The following TARBP1 variants were observed in gnomAD, a reference collection of about 807,000 sequenced individuals.
The protein encoded by TARBP1 is tRNA guanosine 2 -O-methyltransferase TARBP1, also known as tRNA (guanosine(18)-2'-O)-methyltransferase TARBP1.
TARBP1 carries 144 observed loss-of-function variants against 178.6 expected under a neutral mutation model. That is an observed-to-expected ratio of 0.81 (90% CI 0.70 to 0.93). The LOEUF (loss-of-function observed/expected upper bound fraction) is 0.93, where lower values mean the gene tolerates loss of function less well. Among genes scored for constraint, TARBP1 ranks in the 40% least tolerant of loss-of-function variants. TARBP1 has a pLI of 0.00. For synonymous variants in TARBP1, 787 were observed against 781.0 expected, an observed-to-expected ratio of 1.01 and a Z score of -0.13; for missense variants, 2,067 against 2,011.7, an observed-to-expected ratio of 1.03 and a Z score of -0.53.
chr1:234,424,185 T>C (rs934407034), intron 20 of TARBP1, among the ~76,000 whole-genome samples: 2 of 152,300 alleles, frequency 1.3e-5, no homozygotes, highest in South Asian at 2.1e-4. Context: ...TAGTCATTCA[T>C]ACATCCACAC....
At chr1:234,418,999 C>T (rs936170166) in intron 21 of TARBP1, among the ~76,000 whole-genome samples, 1 of 151,850 alleles carries the variant, frequency 6.6e-6, no homozygotes, top group African/African-American at 2.4e-5. Flanking sequence ...GGTGAAACCC[C>T]GTCTCTACTA....
intron 6 of TARBP1, among the ~76,000 whole-genome samples, chr1:234,462,141 G>A (rs16843237): frequency 2.0e-5 from 3 of 152,080 alleles, no homozygotes; most frequent in South Asian, 2.1e-4. Context: ...TTTGCCTAAC[G>A]CTTCACTCAT....
Position 234,430,135 on chromosome 1 carries a change from G to T in TARBP1, c.2561C>A (p.Pro854His), listed in dbSNP as rs780531376. ...SLQLNQTLQK[P>H]HAEEQSSYAH... is the part of the protein sequence containing the mutation. ...ATAACTGCTCTGCTCCTCTGCGTGG[G>T]GCTTCTGCAGCGTCTGATTGAGCTG... Residue 854 changes from proline to histidine, a missense_variant, in exon 15 of 30, where the codon CCC (proline) becomes CAC (histidine). Physicochemically the swap from Pro to His is moderately conservative, Grantham distance 77 (BLOSUM62 -2). Coordinates refer to ENST00000040877, the MANE Select transcript of TARBP1 (RefSeq NM_005646.4). 2.5e-6 allele frequency: 4 copies of T among 1,614,148 alleles called. No homozygotes were observed. In the South Asian group the frequency reaches 4.4e-5, roughly 18 times the overall value.
At chr1:234,460,214 A>C (rs377766350) in intron 7 of TARBP1, 47 bp downstream of exon 7, 11 of 1,553,546 alleles carry the variant, frequency 7.1e-6, no homozygotes, top group Non-Finnish European at 9.5e-6. Context: ...ATATTGATGG[A>C]AAGTCATGGC....
intron 3 of TARBP1, 147 bp from the exon 4 acceptor site, chr1:234,467,797 G>A: frequency 3.4e-6 from 3 of 881,506 alleles, no homozygotes; most frequent in Non-Finnish European, 4.8e-6. Context: ...TGAGAGACAG[G>A]TTCTCACTGT....
rs1572286796 is a variant in TARBP1 at position 234,427,757 on chromosome 1, T to C, written c.3070A>G (p.Lys1024Glu). 2 of 1,422,650 alleles carry C rather than the reference T, an allele frequency of 1.4e-6. No homozygotes were observed. Among genetic ancestry groups the C allele is most frequent in the East Asian group, 5.3e-5 (2 of 37,830 alleles). 88.1% of individuals were successfully genotyped at this position (1,422,650 alleles called of 1,614,324 possible). The change falls in exon 18 of 30, where the codon AAG (lysine) becomes GAG (glutamate). Residue 1024 changes from lysine (K) to glutamate (E), a missense_variant. By Grantham distance (56) the Lys-to-Glu change is moderately conservative. Transcript: ENST00000040877. ...TTTATAGCAGACATTTCAATTATCTTGTACATAATCTGGAATAAAATACAA... is the reference window on the plus strand; with the variant it reads ...TTTATAGCAGACATTTCAATTATCTCGTACATAATCTGGAATAAAATACAA... ...AYFKIKEIMY[K>E]IIEMSAIKTG... is the part of the protein sequence containing the mutation.
intron 15 of TARBP1, 100 bp from the exon 16 acceptor site, chr1:234,429,777 G>A: frequency 4.0e-6 from 4 of 1,008,246 alleles, no homozygotes; most frequent in Non-Finnish European, 5.7e-6. Flanking sequence ...GGGGGGGGGG[G>A]CAGTGTACAG....
chr1:234,418,669 C>T (rs1662706064), intron 21 of TARBP1, among the ~76,000 whole-genome samples: 1 of 152,312 alleles, frequency 6.6e-6, no homozygotes, highest in Non-Finnish European at 1.5e-5. Flanking sequence ...TCTTGGGCCA[C>T]TGAGCCCTCT....
chr1:234,434,360 G>C (rs1303097431), intron 13 of TARBP1, among the ~76,000 whole-genome samples: 1 of 152,168 alleles, frequency 6.6e-6, no homozygotes, highest in Non-Finnish European at 1.5e-5. Flanking sequence ...AAGCACACAG[G>C]AAGTAATTTA....
intron 12 of TARBP1, among the ~76,000 whole-genome samples, chr1:234,441,919 A>G (rs1665638247): frequency 6.6e-6 from 1 of 152,208 alleles, no homozygotes; most frequent in Non-Finnish European, 1.5e-5. Flanking sequence ...TATAAACCAC[A>G]TATTATCCAT....
intron 25 of TARBP1, chr1:234,400,930 T>A: frequency 3.3e-6 from 1 of 306,418 alleles, no homozygotes; most frequent in Non-Finnish European, 6.1e-6. Context: ...CCTTCCATTG[T>A]TTACAAGCCA....
chr1:234,458,700 G>A (rs1454300282), intron 8 of TARBP1, among the ~76,000 whole-genome samples: 4 of 152,168 alleles, frequency 2.6e-5, no homozygotes, highest in Admixed American at 2.0e-4. Flanking sequence ...TATATTCCTT[G>A]AATGTCGATA....
chr1:234,399,750 T>A (rs563518214), intron 25 of TARBP1, among the ~76,000 whole-genome samples: 1 of 152,014 alleles, frequency 6.6e-6, no homozygotes, highest in African/African-American at 2.4e-5. Context: ...ATGGATGAAA[T>A]TGGAAATCAT....
chr1:234,414,645 A>C (rs1662213912), intron 22 of TARBP1, among the ~76,000 whole-genome samples: 1 of 152,168 alleles, frequency 6.6e-6, no homozygotes, highest in Admixed American at 6.5e-5. Context: ...AAGTAACTGA[A>C]CTGGAAGCTG....
intron 9 of TARBP1, among the ~76,000 whole-genome samples, chr1:234,457,393 A>G (rs1027589946): frequency 6.6e-6 from 1 of 152,206 alleles, no homozygotes; most frequent in Non-Finnish European, 1.5e-5. Flanking sequence ...TTCCTAATGC[A>G]TCTCATCCAG....
chr1:234,449,375 C>G (rs768521383), intron 10 of TARBP1, among the ~76,000 whole-genome samples: 1 of 152,150 alleles, frequency 6.6e-6, no homozygotes, highest in Non-Finnish European at 1.5e-5. Flanking sequence ...GTAGATGAAG[C>G]AAGAGTAGAT....
chr1:234,403,702 GA>G (rs1251660490), intron 24 of TARBP1, among the ~76,000 whole-genome samples: 1 of 152,152 alleles, frequency 6.6e-6, no homozygotes, highest in Non-Finnish European at 1.5e-5. Context: ...ATTTATTTTT[GA>G]GACAGAGTCT....
At chr1:234,434,453 A>G (rs1664801344) in intron 13 of TARBP1, among the ~76,000 whole-genome samples, 1 of 152,198 alleles carries the variant, frequency 6.6e-6, no homozygotes, top group South Asian at 2.1e-4. Flanking sequence ...TAACGATTAC[A>G]AGACTGAACA....
At chr1:234,438,885 T>C (rs542495493) in intron 12 of TARBP1, among the ~76,000 whole-genome samples, 2 of 152,184 alleles carry the variant, frequency 1.3e-5, no homozygotes, top group African/African-American at 4.8e-5. Flanking sequence ...AAAACAATCT[T>C]GAAAACAGAG....
Sources: allele counts gnomAD v4.1 joint callset (sites outside exome capture counted in the v4.1 genomes callset), GRCh38; gene constraint gnomAD v4.1.1; transcripts MANE v1.5; gene names NCBI Gene and HGNC (gene_info 2026-07-23, HGNC 2026-07-21).